The following GLI3 variants were observed in gnomAD, a reference collection of about 807,000 sequenced individuals.
GLI3 encodes the protein GLI family zinc finger 3.
Under a neutral mutation model 100.8 loss-of-function variants are expected in GLI3, and 20 were observed. The observed-to-expected ratio is 0.20, with a 90% CI of 0.14 to 0.29. The LOEUF is 0.29. GLI3 is among the 10% of genes least tolerant of loss of function. GLI3 has a pLI of 1.00. For missense variants in GLI3, 2,040 were observed against 2,128.5 expected, an observed-to-expected ratio of 0.96 and a Z score of 0.82; for synonymous variants, 938 against 860.5, an observed-to-expected ratio of 1.09 and a Z score of -1.58.
chr7:41,977,718 T>G lies in GLI3; in HGVS notation c.1652A>C (p.Glu551Ala). ...TCTCGAGTAGGCCTTTGTGCAACCTTCAAACTGAGGACAACAGGTAAATCT... is the reference window on the plus strand; with the variant it reads ...TCTCGAGTAGGCCTTTGTGCAACCTGCAAACTGAGGACAACAGGTAAATCT... ...TGEKPHKCTF[E>A]GCTKAYSRLE... is the part of the protein sequence containing the mutation. Residue 551 changes from glutamate to alanine, a missense_variant, in exon 12 of 15, where the codon GAA (glutamate) becomes GCA (alanine). Transcript: ENST00000395925. 6.2e-7 allele frequency: 1 copy of G among 1,613,808 alleles called. No homozygotes were observed. Among genetic ancestry groups the G allele is most frequent in the East Asian group, 2.2e-5 (1 of 44,882 alleles).
intron 3 of GLI3, among the ~76,000 whole-genome samples, chr7:42,102,661 C>T (rs984554296): frequency 1.3e-5 from 2 of 152,192 alleles, no homozygotes. Context: ...AATCTCTTCC[C>T]ATGCCTAGGA....
intron 1 of GLI3, among the ~76,000 whole-genome samples, chr7:42,231,988 A>G (rs1274751903): frequency 6.6e-6 from 1 of 152,174 alleles, no homozygotes; most frequent in African/African-American, 2.4e-5. Context: ...AAGTTACTCC[A>G]ATAAAGATTT....
chr7:42,177,041 T>G (rs1464448919), intron 2 of GLI3, among the ~76,000 whole-genome samples: 1 of 152,192 alleles, frequency 6.6e-6, no homozygotes, highest in African/African-American at 2.4e-5. Context: ...AATTCACCTA[T>G]TTACTGAACA....
intron 1 of GLI3, 60 bp downstream of exon 1, chr7:42,236,911 G>GCGCGGC (rs1303125813): frequency 6.6e-6 from 1 of 152,178 alleles, no homozygotes; most frequent in Non-Finnish European, 1.5e-5. Context: ...GGAGGCGCGG[G>GCGCGGC]CGCGGCCGCA....
At position 41,962,817 on chromosome 7, in the gene GLI3, A is replaced by G. The variant is rs749234465; in HGVS notation, c.*1513T>C. 8 of 152,182 alleles carry G rather than the reference A, an allele frequency of 5.3e-5. No homozygotes were observed. Among genetic ancestry groups the G allele is most frequent in the Non-Finnish European group, 7.3e-5 (5 of 68,036 alleles). 9.4% of individuals were successfully genotyped at this position (152,182 alleles called of 1,614,324 possible). ...TTATCAATCACTTGCAGTAAATCCAATTCCAGGGGTCAATGGGACAGAATA... is the reference window on the plus strand; with the variant it reads ...TTATCAATCACTTGCAGTAAATCCAGTTCCAGGGGTCAATGGGACAGAATA... On this transcript the variant is annotated 3_prime_UTR_variant, in exon 15 of 15. Coordinates refer to ENST00000395925, the MANE Select transcript of GLI3 (RefSeq NM_000168.6).
rs752024375 is a variant in GLI3, at chr7:41,966,337, G to C, written c.2736C>G (p.Ser912Arg). The C allele has an allele frequency of 3.1e-6, 5 of 1,607,438 alleles. No individual in the cohort carries two copies. In the African/African-American group the frequency reaches 5.3e-5, roughly 17 times the overall value. The change falls in exon 15 of 15, where the codon AGC (serine) becomes AGG (arginine). Residue 912 changes from serine to arginine, a missense_variant. Around this residue, in one of 5 missense-constraint regions of GLI3, gnomAD observed 1,041 missense variants for 924.0 expected, o/e 1.13. Coordinates refer to ENST00000395925, the MANE Select transcript of GLI3 (RefSeq NM_000168.6). This position sits in a 1 kb window ranked among gnomAD's most constrained non-coding sequence, Gnocchi z 5.8. ...ASRRSSEASQSDGLPSLLSLT... is the reference protein window; with the variant it reads ...ASRRSSEASQRDGLPSLLSLT... ...GGCTGAGCAGGCTGGGCAGGCCGTC[G>C]CTCTGGCTGGCTTCGCTGGAGCGGC...
chr7:42,046,716 A>G (rs1395591914), intron 5 of GLI3, among the ~76,000 whole-genome samples: 1 of 152,182 alleles, frequency 6.6e-6, no homozygotes, highest in Non-Finnish European at 1.5e-5. Context: ...ATTGTCAGCT[A>G]GCCTCCCTCT....
intron 10 of GLI3, among the ~76,000 whole-genome samples, chr7:42,023,009 A>G (rs1376562995): frequency 1.3e-5 from 2 of 152,208 alleles, no homozygotes; most frequent in African/African-American, 4.8e-5. Context: ...GCTCATATAG[A>G]GTACTAACTG....
At chr7:42,098,289 C>T (rs1785385482) in intron 3 of GLI3, among the ~76,000 whole-genome samples, 1 of 152,104 alleles carries the variant, frequency 6.6e-6, no homozygotes, top group Non-Finnish European at 1.5e-5. Context: ...CTCTCTGTCT[C>T]TGTGTAATGT....
chr7:41,981,963 C>T (rs1424207353), intron 10 of GLI3, among the ~76,000 whole-genome samples: 1 of 152,136 alleles, frequency 6.6e-6, no homozygotes, highest in Admixed American at 6.5e-5. Context: ...AGTCAGCAAG[C>T]ATGAACACCC....
intron 2 of GLI3, among the ~76,000 whole-genome samples, chr7:42,184,549 A>G (rs1787680942): frequency 6.6e-6 from 1 of 152,240 alleles, no homozygotes; most frequent in Non-Finnish European, 1.5e-5. Flanking sequence ...AGGGCCTAGA[A>G]CAGTGACTGA....
chr7:41,968,667 C>CAAGA (rs1233386146), intron 13 of GLI3, among the ~76,000 whole-genome samples: 20 of 123,754 alleles, frequency 1.6e-4, no homozygotes, highest in Non-Finnish European at 2.3e-4. Context: ...TGTGCTATAC[C>CAAGA]AAGAAAGAAA....
In GLI3 at chr7:42,116,322, G is replaced by C. The variant is rs533567563; in HGVS notation, c.367+31904C>G. On this transcript the variant is annotated intron_variant, in intron 3 of 14. Coordinates refer to ENST00000395925, the MANE Select transcript of GLI3 (RefSeq NM_000168.6). ...TTATGTGATGAAATGTGGATGCTGG[G>C]TAAAATTCACCCAGGAAACAGAGGG... Among the ~76,000 whole-genome samples, 25 of 152,166 alleles carry C rather than the reference G, an allele frequency of 1.6e-4. No individual in the cohort carries two copies. In the South Asian group the frequency reaches 5.2e-3, roughly 32 times the overall value.
At chr7:41,989,637 C>T (rs1787928285) in intron 10 of GLI3, among the ~76,000 whole-genome samples, 1 of 152,140 alleles carries the variant, frequency 6.6e-6, no homozygotes, top group Admixed American at 6.5e-5. Flanking sequence ...AAAATTCCCT[C>T]ACCTATGGGC....
At chr7:42,123,054 A>G (rs949028033) in intron 3 of GLI3, among the ~76,000 whole-genome samples, 3 of 152,228 alleles carry the variant, frequency 2.0e-5, no homozygotes, top group African/African-American at 7.2e-5. Context: ...ATTAGCATTC[A>G]TATCGGTAAA....
chr7:41,984,552 A>G (rs1787760971), intron 10 of GLI3, among the ~76,000 whole-genome samples: 1 of 152,198 alleles, frequency 6.6e-6, no homozygotes, highest in Admixed American at 6.5e-5. Context: ...TGCCCGAGGG[A>G]ATCACTAATC....
intron 3 of GLI3, among the ~76,000 whole-genome samples, chr7:42,092,963 G>A (rs1451217118): frequency 6.6e-6 from 1 of 151,518 alleles, no homozygotes; most frequent in Non-Finnish European, 1.5e-5. Context: ...ACAGACACCC[G>A]CCACCACGCC....
At chr7:42,043,140 A>G (rs1262302671) in intron 6 of GLI3, among the ~76,000 whole-genome samples, 2 of 152,236 alleles carry the variant, frequency 1.3e-5, no homozygotes, top group East Asian at 3.8e-4. Context: ...CTACCACTGC[A>G]GATGGACAAC....
At chr7:42,262,262 T>C in intron 1 of GLI3, among the ~76,000 whole-genome samples, 1 of 148,122 alleles carries the variant, frequency 6.8e-6, no homozygotes, top group East Asian at 2.0e-4. Context: ...CCTCCCTCCC[T>C]CCCTTCCTTC....
Sources: gnomAD v4.1 joint callset for allele counts (sites outside exome capture counted in the v4.1 genomes callset) on GRCh38, gnomAD v4.1.1 for gene constraint, gnomAD v4.1.1 regional missense constraint, Gnocchi (gnomAD v3.1) non-coding constraint, MANE v1.5 for transcripts, NCBI Gene and HGNC (gene_info 2026-07-23, HGNC 2026-07-21) for gene names.